Variants in MBTPS1 observed in about 807,000 individuals in gnomAD.
The protein encoded by MBTPS1 is membrane bound transcription factor peptidase, site 1, also known as membrane-bound transcription factor site-1 protease.
In MBTPS1, 94 loss-of-function variants were observed where a neutral mutation model predicts 127.8. That is an observed-to-expected ratio of 0.74 (90% CI 0.62 to 0.87). MBTPS1 has a LOEUF of 0.87. Among genes scored for constraint, MBTPS1 ranks in the 40% least tolerant of loss-of-function variants. The probability of loss-of-function intolerance (pLI) is 0.00; values close to 1 mark genes in which losing one functional copy is unlikely to be tolerated. For missense variants in MBTPS1, 1,636 were observed against 1,353.2 expected, an observed-to-expected ratio of 1.21 and a Z score of -3.28; for synonymous variants, 632 against 509.4, an observed-to-expected ratio of 1.24 and a Z score of -3.24.
chr16:84,058,130 G>A (rs1417869393), intron 21 of MBTPS1: 1 of 152,244 alleles, frequency 6.6e-6, no homozygotes, highest in Admixed American at 6.5e-5. Flanking sequence ...CAGTGATTAA[G>A]GTTCAGGAAG....
Position 84,067,755 on chromosome 16 carries a change from C to T in MBTPS1, c.2140G>A (p.Val714Met), listed in dbSNP as rs752103362. ...PEEIAKLRRD[V>M]DNGLSLVIFS... ...ATGACGAGCGAGAGGCCGTTGTCCA[C>T]GTCCCTCCGGAGCTTGGCGATCTCT... The change falls in exon 16 of 23, where the codon GTG becomes ATG. Residue 714 changes from valine to methionine, a missense_variant. Transcript: ENST00000343411. 20 of 1,613,992 alleles carry T rather than the reference C, an allele frequency of 1.2e-5. No individual in the cohort carries two copies. The highest frequency in any genetic ancestry group is 1.7e-5 in the Admixed American group (1 of 60,032).
chr16:84,089,253 G>C (rs1247899785), intron 8 of MBTPS1, among the ~76,000 whole-genome samples: 1 of 152,230 alleles, frequency 6.6e-6, no homozygotes, highest in Non-Finnish European at 1.5e-5. Context: ...ACGGCCCATG[G>C]GCCAAACCAG....
chr16:84,079,183 A>T (rs1163822920), intron 11 of MBTPS1, among the ~76,000 whole-genome samples: 2 of 152,176 alleles, frequency 1.3e-5, no homozygotes, highest in Non-Finnish European at 2.9e-5. Context: ...TTCTGCCATG[A>T]TTGGAAGCTC....
intron 19 of MBTPS1, chr16:84,061,017 G>A (rs538294698): frequency 4.9e-4 from 210 of 428,622 alleles, no homozygotes; most frequent in Non-Finnish European, 7.3e-4. Flanking sequence ...ATTTTTTGCA[G>A]AAATGGGTCT....
At chr16:84,089,982 C>T (rs561740391) in intron 8 of MBTPS1, among the ~76,000 whole-genome samples, 1 of 152,296 alleles carries the variant, frequency 6.6e-6, no homozygotes, top group South Asian at 2.1e-4. Context: ...GCTCATGATA[C>T]GTATCACTGA....
chr16:84,116,588 G>A (rs2086483165), intron 1 of MBTPS1, 147 bp downstream of exon 1: 1 of 152,324 alleles, frequency 6.6e-6, no homozygotes, highest in East Asian at 1.9e-4. Context: ...ACAAGCGCCG[G>A]AGGCCCCGCG....
chr16:84,102,008 G>C lies in MBTPS1; in HGVS notation c.-225C>G. The C allele has an allele frequency of 1.9e-6, 1 of 513,920 alleles. No homozygotes were observed. Among genetic ancestry groups the C allele is most frequent in the Non-Finnish European group, 3.5e-6 (1 of 287,220 alleles). The allele number at this position is 513,920 out of a possible 1,614,324, so 31.8% of individuals were successfully genotyped here. A position where few individuals can be genotyped will look rare whatever the true frequency, so the allele number is the denominator to read the frequency against. On this transcript the variant is annotated 5_prime_UTR_variant, in exon 2 of 23. Transcript: ENST00000343411. ...CGCTTCTTCTCCATCTTGGAAATAAGGCTTCTCTCACTCAGGCCGTGACGA... is the reference window on the plus strand; with the variant it reads ...CGCTTCTTCTCCATCTTGGAAATAACGCTTCTCTCACTCAGGCCGTGACGA...
chr16:84,063,544 C>A, intron 18 of MBTPS1, 99 bp from the exon 19 acceptor site: 1 of 1,187,196 alleles, frequency 8.4e-7, no homozygotes, highest in South Asian at 1.5e-5. Flanking sequence ...ACCACATTTA[C>A]AAAATCTAAT....
intron 2 of MBTPS1, 119 bp from the exon 3 acceptor site, chr16:84,099,429 G>T (rs776036917): frequency 1.1e-5 from 11 of 995,366 alleles, no homozygotes; most frequent in Non-Finnish European, 1.6e-5. Context: ...CACAGCAGAC[G>T]AGAGAAAACA....
At chr16:84,082,929 C>T (rs941900870) in intron 10 of MBTPS1, among the ~76,000 whole-genome samples, 5 of 152,170 alleles carry the variant, frequency 3.3e-5, no homozygotes, top group Admixed American at 6.5e-5. Flanking sequence ...CCATTATGAG[C>T]GACTGTCACA....
At position 84,099,257 on chromosome 16, in the gene MBTPS1, T is replaced by A; in HGVS notation, c.217A>T (p.Ile73Phe). The A allele has an allele frequency of 1.9e-6, 3 of 1,614,142 alleles. No homozygotes were observed. Among genetic ancestry groups the A allele is most frequent in the Non-Finnish European group, 2.5e-6 (3 of 1,180,004 alleles). ...YFTAKARNSF[I>F]SSALKSSEVD... Reference sequence around the variant, plus strand: ...TCACTGCTCTTCAGGGCACTTGAAATAAATGAATTTCTAGCTTTGGCTGTA... The same window carrying A: ...TCACTGCTCTTCAGGGCACTTGAAAAAAATGAATTTCTAGCTTTGGCTGTA... The change falls in exon 3 of 23, where the codon ATT becomes TTT. Residue 73 changes from isoleucine (I) to phenylalanine (F), a missense_variant. By Grantham distance (21) the Ile-to-Phe change is conservative. Coordinates refer to ENST00000343411, the MANE Select transcript of MBTPS1 (RefSeq NM_003791.4).
intron 3 of MBTPS1, among the ~76,000 whole-genome samples, chr16:84,097,207 G>C (rs1488293832): frequency 6.6e-6 from 1 of 152,202 alleles, no homozygotes; most frequent in Non-Finnish European, 1.5e-5. Context: ...GATGCAGAGT[G>C]AGAATGGTGT....
intron 8 of MBTPS1, among the ~76,000 whole-genome samples, chr16:84,090,216 A>G (rs1200250827): frequency 2.0e-5 from 3 of 152,196 alleles, no homozygotes; most frequent in African/African-American, 7.2e-5. Context: ...GAATAAAATG[A>G]AGCTGCTGGT....
intron 11 of MBTPS1, among the ~76,000 whole-genome samples, chr16:84,079,895 G>A (rs987310793): frequency 3.9e-5 from 6 of 152,200 alleles, no homozygotes; most frequent in African/African-American, 1.2e-4. Flanking sequence ...TCCGAAGAGC[G>A]CAGTAACCAC....
At chr16:84,107,708 A>ATT (rs61479777) in intron 1 of MBTPS1, among the ~76,000 whole-genome samples, 37,935 of 144,432 alleles carry the variant, frequency 0.26, 5,611 homozygotes, top group East Asian at 0.44. Flanking sequence ...TCCTGGGCCT[A>ATT]TTTTTTTTTT....
At chr16:84,109,271 A>T (rs2086367023) in intron 1 of MBTPS1, among the ~76,000 whole-genome samples, 1 of 152,236 alleles carries the variant, frequency 6.6e-6, no homozygotes, top group South Asian at 2.1e-4. Flanking sequence ...TGGGGCCCCC[A>T]CTAACAAAAT....
chr16:84,065,769 T>C lies in MBTPS1; in HGVS notation c.2354-2A>G. 6.4e-7 allele frequency: 1 copy of C among 1,568,684 alleles called. No individual in the cohort carries two copies. Among genetic ancestry groups the C allele is most frequent in the South Asian group, 1.2e-5 (1 of 84,916 alleles). On this transcript the variant is annotated splice_acceptor_variant, in intron 17 of 22. Transcript: ENST00000343411. LOFTEE classifies it high-confidence loss of function. ...TGCTGCACCCTGACGCATAATACAC[T>C]AGGAAAGAGTGTTCAAAGTCAAGGG...
At chr16:84,064,245 G>A (rs748447410) in intron 18 of MBTPS1, among the ~76,000 whole-genome samples, 5 of 151,664 alleles carry the variant, frequency 3.3e-5, no homozygotes, top group Admixed American at 1.3e-4. Flanking sequence ...CTCTATAAAC[G>A]TGACATTCCC....
Position 84,075,589 on chromosome 16 carries a change from G to C in MBTPS1, c.1449-848C>G, listed in dbSNP as rs1444459113. 8 of 152,416 alleles carry C rather than the reference G, an allele frequency of 5.2e-5. No homozygotes were observed. In the East Asian group the frequency reaches 1.3e-3, roughly 26 times the overall value. 9.4% of individuals were successfully genotyped at this position (152,416 alleles called of 1,614,324 possible). A position where few individuals can be genotyped will look rare whatever the true frequency, so the allele number is the denominator to read the frequency against. ...GCTTCTCAAGCTGCACCCACGTGCA[G>C]TGGGCGGGCGGCTCTGCGCAACTGC... is the stretch of plus-strand genomic sequence containing the variant. On this transcript the variant is annotated intron_variant, in intron 11 of 22. Transcript: ENST00000343411.
Sources: gnomAD v4.1 joint callset for allele counts (sites outside exome capture counted in the v4.1 genomes callset) on GRCh38, gnomAD v4.1.1 for gene constraint, MANE v1.5 for transcripts, NCBI Gene and HGNC (gene_info 2026-07-23, HGNC 2026-07-21) for gene names.